NOP9: variants seen among roughly 807,000 people sequenced by gnomAD.
The protein encoded by NOP9 is NOP9 nucleolar protein.
In NOP9, 50 loss-of-function variants were observed where a neutral mutation model predicts 63.0. That is an observed-to-expected ratio of 0.79 (90% confidence interval 0.63 to 1.00). The LOEUF is 1.00. NOP9 is among the 50% of genes least tolerant of loss of function. The pLI is 0.00. For synonymous variants in NOP9, 343 were observed against 332.8 expected, an observed-to-expected ratio of 1.03 and a Z score of -0.33; for missense variants, 758 against 803.0, an observed-to-expected ratio of 0.94 and a Z score of 0.68.
Position 24,300,545 on chromosome 14 carries a change from C to G in NOP9, c.385C>G (p.Leu129Val). Residue 129 changes from leucine (L) to valine (V), a missense_variant, in exon 2 of 10, where the codon CTG becomes GTG. By Grantham distance (32) the Leu-to-Val change is conservative. Transcript: ENST00000267425. ...ACCGCTTTGTCGCGTGTGGGCTGCT[C>G]TGCGCTCTAACTTGCGCACTGTGGC... ...LKPLCRVWAA[L>V]RSNLRTVACH... 6.2e-7 allele frequency: 1 copy of G among 1,614,240 alleles called. No homozygotes were observed. Among genetic ancestry groups the G allele is most frequent in the Non-Finnish European group, 8.5e-7 (1 of 1,180,046 alleles).
At chr14:24,276,001 T>C in the NOP9 span, among the ~76,000 whole-genome samples, 2,251 of 152,348 alleles carry the variant, frequency 0.015, 43 homozygotes, top group African/African-American at 0.051. Context: ...CCCATGTGAC[T>C]GCTAAGCGCT....
chr14:24,277,982 C>G, the NOP9 span, among the ~76,000 whole-genome samples: 7 of 152,144 alleles, frequency 4.6e-5, no homozygotes, highest in Non-Finnish European at 8.8e-5. Context: ...GGGTGCCTGC[C>G]ACGTGTCAGT....
Position 24,306,317 on chromosome 14 carries a change from G to T in NOP9, c.*1222G>T. 1.2e-6 allele frequency: 2 copies of T among 1,606,284 alleles called. No individual in the cohort carries two copies. The highest frequency in any genetic ancestry group is 2.2e-5 in the South Asian group (2 of 90,842). On this transcript the variant is annotated 3_prime_UTR_variant, in exon 10 of 10. Transcript: ENST00000267425. ...GGATCAGGGTTAAGCTAGAGAGGAA[G>T]CCCGGGAAAGCTCTAAAGGACAGGC...
chr14:24,274,451 T>A, the NOP9 span, among the ~76,000 whole-genome samples: 8 of 152,086 alleles, frequency 5.3e-5, no homozygotes, highest in African/African-American at 1.7e-4. Context: ...CTAACTTAGC[T>A]GGCTGGCACA....
rs771146240 is a variant in NOP9, at chr14:24,304,170, C to T, written c.1540C>T (p.Leu514Phe). 1.9e-5 allele frequency: 31 copies of T among 1,614,130 alleles called. No homozygotes were observed. The highest frequency in any genetic ancestry group is 5.5e-5 in the South Asian group (5 of 91,094). Reference protein sequence around the residue: ...RSLGALTGPQLLSLAQSPAGS... With the variant: ...RSLGALTGPQFLSLAQSPAGS... ...TCTGGGTGCCTTGACGGGACCACAG[C>T]TTCTGTCCCTTGCCCAAAGTCCCGC... The change falls in exon 8 of 10, where the codon CTT becomes TTT. Residue 514 changes from leucine to phenylalanine, a missense_variant. Coordinates refer to ENST00000267425, the MANE Select transcript of NOP9 (RefSeq NM_174913.3).
the NOP9 span, among the ~76,000 whole-genome samples, chr14:24,281,297 T>C: frequency 6.6e-6 from 1 of 152,184 alleles, no homozygotes; most frequent in Non-Finnish European, 1.5e-5. Flanking sequence ...AGTCCTGGGA[T>C]ACAGACACTG....
chr14:24,292,792 G>A, the NOP9 span: 127 of 1,609,110 alleles, frequency 7.9e-5, no homozygotes, highest in Non-Finnish European at 1.0e-4. Flanking sequence ...CCTCTAGAAG[G>A]TGGGGCAAGG....
rs375108757 is a variant in NOP9, at chr14:24,299,906, C to G, written c.-49C>G. 17 of 1,504,154 alleles carry G rather than the reference C, an allele frequency of 1.1e-5. 1 individual carries two copies. The African/African-American group carries it at 1.4e-4, about 12-fold the overall frequency. The allele number at this position is 1,504,154 out of a possible 1,614,324, so 93.2% of individuals were successfully genotyped here. On this transcript the variant is annotated 5_prime_UTR_variant, in exon 1 of 10. Coordinates refer to ENST00000267425, the MANE Select transcript of NOP9 (RefSeq NM_174913.3). ...CGCACGCTTGGCGACGTCGAAGGTC[C>G]GTCCGCAGTTAAGGAAGCTTTTGCA...
Position 24,301,596 on chromosome 14 carries a change from C to A in NOP9, c.698-16C>A. ...TTGTGATCTCCCCACTGCACATGTT[C>A]TTAATCTTCCTTCAGAAGCACAGAA... On this transcript the variant is annotated splice_polypyrimidine_tract_variant and intron_variant, in intron 2 of 9. Transcript: ENST00000267425. 1 of 1,614,086 alleles carries A rather than the reference C, an allele frequency of 6.2e-7. No individual in the cohort carries two copies. The highest frequency in any genetic ancestry group is 8.5e-7 in the Non-Finnish European group (1 of 1,179,918).
chr14:24,306,097 T>C lies in NOP9; in HGVS notation c.*1002T>C. ...GAATCGGGCGATGTCCTTGCTGTGC[T>C]TGGGCCTCTCCCGTCCCAGGCCATA... On this transcript the variant is annotated 3_prime_UTR_variant, in exon 10 of 10. Transcript: ENST00000267425. 2 of 1,614,114 alleles carry C rather than the reference T, an allele frequency of 1.2e-6. No homozygotes were observed. Among genetic ancestry groups the C allele is most frequent in the Non-Finnish European group, 1.7e-6 (2 of 1,180,014 alleles).
At chr14:24,294,747 G>T in the NOP9 span, 1 of 152,144 alleles carries the variant, frequency 6.6e-6, no homozygotes, top group Admixed American at 6.5e-5. Flanking sequence ...GAAAGTCAAA[G>T]ATGATTTACA....
chr14:24,275,005 C>T, the NOP9 span, among the ~76,000 whole-genome samples: 2 of 150,764 alleles, frequency 1.3e-5, no homozygotes, highest in Non-Finnish European at 2.9e-5. Context: ...TTGTGCCTCC[C>T]GGGTTCAAGC....
the NOP9 span, among the ~76,000 whole-genome samples, chr14:24,279,141 A>C: frequency 6.6e-6 from 1 of 152,182 alleles, no homozygotes; most frequent in African/African-American, 2.4e-5. Context: ...TATGTTGGTC[A>C]ACCACTTTGT....
the NOP9 span, among the ~76,000 whole-genome samples, chr14:24,289,217 C>T: frequency 5.9e-5 from 9 of 152,060 alleles, no homozygotes; most frequent in African/African-American, 1.9e-4. Context: ...CTCCTGACCT[C>T]GTGATCCACC....
chr14:24,271,274 A>G, the NOP9 span: 1 of 957,134 alleles, frequency 1.0e-6, no homozygotes, highest in East Asian at 2.7e-5. Context: ...CAGAGTGTAA[A>G]GAGGTCCTGG....
At chr14:24,299,613 T>G, upstream of NOP9, 2 of 281,128 alleles carry the variant, frequency 7.1e-6, no homozygotes, top group Non-Finnish European at 1.3e-5. Flanking sequence ...GGTCTGCAGA[T>G]TGCGGGGCTG....
In NOP9 at chr14:24,304,490, C is replaced by G. The variant is rs370619875; in HGVS notation, c.1648-3C>G. On this transcript the variant is annotated splice_region_variant and splice_polypyrimidine_tract_variant and intron_variant, in intron 8 of 9. Transcript: ENST00000267425. ...GAGACCTACTTTGCTTGTCTCCATACAGGGACAATATGTGGCTCTGGCCTG... is the reference window on the plus strand; with the variant it reads ...GAGACCTACTTTGCTTGTCTCCATAGAGGGACAATATGTGGCTCTGGCCTG... 3 of 1,604,262 alleles carry G rather than the reference C, an allele frequency of 1.9e-6. No homozygotes were observed. The highest frequency in any genetic ancestry group is 2.7e-5 in the African/African-American group (2 of 74,292).
the NOP9 span, chr14:24,291,345 T>C: frequency 5.1e-6 from 6 of 1,167,320 alleles, no homozygotes; most frequent in Non-Finnish European, 7.6e-6. Context: ...GCTCTTTCTC[T>C]TGGGCCTTGG....
In NOP9 at chr14:24,304,617, CTT is replaced by C. The variant is rs758455737; in HGVS notation, c.1753+21_1753+22del. 2 of 1,554,542 alleles carry C rather than the reference CTT, an allele frequency of 1.3e-6. No homozygotes were observed. The highest frequency in any genetic ancestry group is 2.8e-5 in the African/African-American group (2 of 72,694). ...GAGCTTGGTGAGTACCAGCCCCTCT[CTT>C]TGATGTTTCCAGACTCTCCCCTCTC... On this transcript the variant is annotated intron_variant, in intron 9 of 9. Coordinates refer to ENST00000267425, the MANE Select transcript of NOP9 (RefSeq NM_174913.3).
Sources: gnomAD v4.1 joint callset for allele counts (sites outside exome capture counted in the v4.1 genomes callset) on GRCh38, gnomAD v4.1.1 for gene constraint, MANE v1.5 for transcripts, NCBI Gene and HGNC (gene_info 2026-07-23, HGNC 2026-07-21) for gene names.